PPCS: variants seen among roughly 807,000 people sequenced by gnomAD.
PPCS encodes phosphopantothenoylcysteine synthetase.
Under a neutral mutation model 24.6 loss-of-function variants are expected in PPCS, and 17 were observed. The observed-to-expected ratio is 0.69, with a 90% CI of 0.47 to 1.04. PPCS has a LOEUF of 1.04. PPCS is among the 50% of genes least tolerant of loss of function. The probability of loss-of-function intolerance (pLI) is 0.00; values close to 1 mark genes in which losing one functional copy is unlikely to be tolerated. For missense variants in PPCS, 360 were observed against 402.8 expected (o/e 0.89, Z 0.91); for synonymous variants, 190 against 168.3 (o/e 1.13, Z -1.00).
intron 2 of PPCS, among the ~76,000 whole-genome samples, chr1:42,470,877 T>G (rs1360441417): frequency 6.6e-6 from 1 of 152,214 alleles, no homozygotes; most frequent in Non-Finnish European, 1.5e-5. Context: ...TGGAAATGAT[T>G]GTGGTGATGG....
intron 2 of PPCS, among the ~76,000 whole-genome samples, chr1:42,458,028 G>A (rs142022073): frequency 1.3e-5 from 2 of 151,964 alleles, no homozygotes; most frequent in East Asian, 3.9e-4. Flanking sequence ...GGTCATTCCA[G>A]GTGGAGTATG....
rs1368172415 is a variant in PPCS, at chr1:42,473,324, A to G, written n.580A>G. 4 of 1,185,276 alleles carry G rather than the reference A, an allele frequency of 3.4e-6. No individual in the cohort carries two copies. In the African/African-American group the frequency reaches 4.7e-5, roughly 14 times the overall value. 73.4% of individuals were successfully genotyped at this position (1,185,276 alleles called of 1,614,324 possible). ...AAGAAGTGAGAACTAATAGCATAGA[A>G]TTTTAAAGACACCTGTGATTTTGTT... On this transcript the variant is annotated non_coding_transcript_exon_variant, in exon 3 of 3. Coordinates refer to the PPCS transcript ENST00000471420.
downstream of PPCS, among the ~76,000 whole-genome samples, chr1:42,462,656 A>C (rs1038295028): frequency 7.2e-5 from 11 of 152,242 alleles, no homozygotes; most frequent in African/African-American, 2.2e-4. Context: ...AGAGCATCTA[A>C]AAAGATGATA....
intron 2 of PPCS, among the ~76,000 whole-genome samples, chr1:42,471,967 A>T (rs746083637): frequency 1.5e-4 from 23 of 152,240 alleles, no homozygotes; most frequent in South Asian, 6.2e-4. Context: ...TTTGGGTCAG[A>T]TTAACTTGGT....
chr1:42,468,939 A>G (rs1643676287), intron 2 of PPCS, among the ~76,000 whole-genome samples: 1 of 152,148 alleles, frequency 6.6e-6, no homozygotes, highest in Admixed American at 6.5e-5. Context: ...ATGGAAGAGG[A>G]GGAACCCAGG....
chr1:42,457,828 G>C (rs1386941559), intron 2 of PPCS, among the ~76,000 whole-genome samples: 2 of 151,916 alleles, frequency 1.3e-5, no homozygotes, highest in African/African-American at 4.8e-5. Context: ...GGTGGCAGGC[G>C]CCTGTAATCC....
intron 2 of PPCS, among the ~76,000 whole-genome samples, chr1:42,468,952 G>T (rs1198970844): frequency 6.6e-6 from 1 of 151,894 alleles, no homozygotes; most frequent in Non-Finnish European, 1.5e-5. Flanking sequence ...AACCCAGGAA[G>T]CATACTGAGA....
intron 2 of PPCS, chr1:42,473,097 A>G (rs1229906973): frequency 8.2e-7 from 1 of 1,225,610 alleles, no homozygotes; most frequent in Non-Finnish European, 1.0e-6. Flanking sequence ...GTGTTCATAT[A>G]CATATGCTTA....
downstream of PPCS, chr1:42,463,182 A>G (rs1327008265): frequency 1.3e-5 from 2 of 152,256 alleles, no homozygotes; most frequent in African/African-American, 2.4e-5. Context: ...GTGAGACATA[A>G]TAACAGTCTC....
chr1:42,457,359 C>T lies in PPCS; in HGVS notation c.612+9C>T, dbSNP rs954839420. The T allele has an allele frequency of 4.4e-6, 7 of 1,606,256 alleles. No individual in the cohort carries two copies. In the East Asian group the frequency reaches 1.1e-4, roughly 26 times the overall value. ...CTGGGGGCCCACTGCAGGTGATGGG[C>T]GCTTCTCTTCCAGAGATCTAATCCC... On this transcript the variant is annotated intron_variant, in intron 2 of 2. Coordinates refer to ENST00000372561, the MANE Select transcript of PPCS (RefSeq NM_024664.4).
At chr1:42,467,585 T>C (rs991519702) in intron 2 of PPCS, among the ~76,000 whole-genome samples, 7 of 152,110 alleles carry the variant, frequency 4.6e-5, no homozygotes, top group African/African-American at 1.7e-4. Flanking sequence ...TCAAGCTGAG[T>C]TGTTCACTAG....
chr1:42,466,545 T>C (rs1295804124), intron 2 of PPCS, among the ~76,000 whole-genome samples: 1 of 133,452 alleles, frequency 7.5e-6, no homozygotes, highest in African/African-American at 2.9e-5. Context: ...TTTGTTGTTG[T>C]TGTTTTGTTT....
At position 42,457,286 on chromosome 1, in the gene PPCS, AT is replaced by A. The variant is rs757836367; in HGVS notation, c.551del (p.Phe184SerfsTer22). On this transcript the variant is annotated frameshift_variant, in exon 2 of 3. Coordinates refer to ENST00000372561, the MANE Select transcript of PPCS (RefSeq NM_024664.4). LOFTEE classifies it high-confidence loss of function. ...AMFYLAAAVS[D>X]FYVPVSEMPE... ...TTTTACCTGGCTGCGGCTGTGTCAG[AT>A]TTCTATGTTCCTGTCTCTGAAATGC... 24 of 1,614,122 alleles carry A rather than the reference AT, an allele frequency of 1.5e-5. No homozygotes were observed. In the Admixed American group the frequency reaches 3.7e-4, roughly 25 times the overall value.
chr1:42,466,655 G>A (rs1023618706), intron 2 of PPCS, among the ~76,000 whole-genome samples: 3 of 151,486 alleles, frequency 2.0e-5, no homozygotes, highest in Non-Finnish European at 4.4e-5. Flanking sequence ...GGGTTCCAGC[G>A]ATTCTCCTGC....
chr1:42,458,521 C>T (rs1643305653), intron 2 of PPCS, among the ~76,000 whole-genome samples: 2 of 152,280 alleles, frequency 1.3e-5, no homozygotes, highest in South Asian at 4.1e-4. Context: ...CATACCCTGC[C>T]TTTGTGTTGC....
At chr1:42,459,417 T>C in intron 2 of PPCS, 186 bp from the exon 3 acceptor site, 1 of 615,608 alleles carries the variant, frequency 1.6e-6, no homozygotes, top group Non-Finnish European at 2.8e-6. Context: ...CATCCTGGCC[T>C]TCCAAAGTGC....
At chr1:42,467,078 C>T (rs1643614027) in intron 2 of PPCS, among the ~76,000 whole-genome samples, 1 of 152,136 alleles carries the variant, frequency 6.6e-6, no homozygotes, top group Non-Finnish European at 1.5e-5. Flanking sequence ...ATATAAGCAG[C>T]ATGATAGGGA....
At chr1:42,461,571 G>C (rs1332254403), downstream of PPCS, among the ~76,000 whole-genome samples, 1 of 150,014 alleles carries the variant, frequency 6.7e-6, no homozygotes, top group Non-Finnish European at 1.5e-5. Flanking sequence ...TTTTTGAGCG[G>C]AGTCTTGCTC....
chr1:42,456,413 G>C (rs1341609888), upstream of PPCS: 9 of 839,684 alleles, frequency 1.1e-5, no homozygotes, highest in Middle Eastern at 3.6e-4. Flanking sequence ...GAACAACTAC[G>C]CATTTCCAGA....
Sources: allele counts gnomAD v4.1 joint callset (sites outside exome capture counted in the v4.1 genomes callset), GRCh38; gene constraint gnomAD v4.1.1; transcripts MANE v1.5; gene names NCBI Gene and HGNC (gene_info 2026-07-23, HGNC 2026-07-21).